Variants in CCNY observed in about 807,000 individuals in gnomAD.
CCNY encodes cyclin Y.
A neutral mutation model predicts 42.8 loss-of-function variants in CCNY; 19 were observed. That is an observed-to-expected ratio of 0.44 (90% CI 0.31 to 0.65). CCNY has a LOEUF of 0.65. CCNY is among the 30% of genes least tolerant of loss of function. CCNY has a pLI of 0.07. For missense variants in CCNY, 370 were observed against 437.3 expected, an observed-to-expected ratio of 0.85 and a Z score of 1.37; for synonymous variants, 165 against 162.7, an observed-to-expected ratio of 1.01 and a Z score of -0.11.
At chr10:35,266,291 G>T (rs2095725281) in intron 3 of CCNY, among the ~76,000 whole-genome samples, 1 of 147,280 alleles carries the variant, frequency 6.8e-6, no homozygotes, top group Admixed American at 6.8e-5. Flanking sequence ...GTAGAGATGG[G>T]GTTTCACTAT....
intron 3 of CCNY, among the ~76,000 whole-genome samples, chr10:35,278,417 C>T (rs1835263168): frequency 1.3e-5 from 2 of 151,658 alleles, no homozygotes; most frequent in African/African-American, 4.8e-5. Context: ...ATACTCCGCC[C>T]AACACTAGTG....
intron 1 of CCNY, among the ~76,000 whole-genome samples, chr10:35,468,181 T>C (rs375599684): frequency 1.4e-4 from 21 of 152,196 alleles, no homozygotes; most frequent in Admixed American, 7.2e-4. Context: ...ACCATCTTCT[T>C]TTTGGTGTAA....
At chr10:35,360,843 G>A (rs1403788009) in intron 1 of CCNY, among the ~76,000 whole-genome samples, 3 of 151,740 alleles carry the variant, frequency 2.0e-5, no homozygotes, top group African/African-American at 7.3e-5. Flanking sequence ...TCTATGGTGG[G>A]GATTTACCAA....
At chr10:35,483,261 A>G (rs766963095) in intron 1 of CCNY, 143 bp from the exon 2 acceptor site, 30 of 627,680 alleles carry the variant, frequency 4.8e-5, no homozygotes, top group Non-Finnish European at 7.9e-5. Context: ...TTGAACCAAA[A>G]GAATCTATTA....
intron 1 of CCNY, among the ~76,000 whole-genome samples, chr10:35,417,038 T>A (rs1056840489): frequency 6.6e-6 from 1 of 152,208 alleles, no homozygotes; most frequent in Non-Finnish European, 1.5e-5. Flanking sequence ...GTGGCCACCT[T>A]CTTCAGCAGT....
At chr10:35,313,208 G>C (rs1377493010) in intron 3 of CCNY, among the ~76,000 whole-genome samples, 1 of 152,148 alleles carries the variant, frequency 6.6e-6, no homozygotes, top group Non-Finnish European at 1.5e-5. Flanking sequence ...AACCGCCAAA[G>C]GCCAAAGACT....
At chr10:35,400,063 C>A (rs1837610936) in intron 1 of CCNY, among the ~76,000 whole-genome samples, 1 of 151,898 alleles carries the variant, frequency 6.6e-6, no homozygotes, top group African/African-American at 2.4e-5. Context: ...TCCCTTCTGA[C>A]ACCTGCCTGC....
At chr10:35,295,325 G>T (rs375180162) in intron 3 of CCNY, among the ~76,000 whole-genome samples, 4 of 151,532 alleles carry the variant, frequency 2.6e-5, no homozygotes, top group African/African-American at 9.7e-5. Flanking sequence ...TCTGCCTCCC[G>T]GGTTCAAGCG....
chr10:35,452,382 T>C (rs1381732779), intron 1 of CCNY, among the ~76,000 whole-genome samples: 1 of 152,230 alleles, frequency 6.6e-6, no homozygotes. Context: ...TTTTAACTCC[T>C]ACTCAGATGT....
At chr10:35,490,775 C>T (rs1484438711) in intron 2 of CCNY, among the ~76,000 whole-genome samples, 3 of 152,240 alleles carry the variant, frequency 2.0e-5, no homozygotes, top group Admixed American at 2.0e-4. Flanking sequence ...ACCCCAGTGG[C>T]TGCTTGTCTT....
chr10:35,320,551 T>C (rs1259240131), intron 3 of CCNY, among the ~76,000 whole-genome samples: 9 of 152,258 alleles, frequency 5.9e-5, no homozygotes, highest in South Asian at 4.1e-4. Flanking sequence ...TCTCCTCAGA[T>C]TGAAAATAAG....
chr10:35,522,984 T>C (rs2135415632), intron 4 of CCNY, among the ~76,000 whole-genome samples: 1 of 152,286 alleles, frequency 6.6e-6, no homozygotes, highest in East Asian at 1.9e-4. Context: ...TTCGGGTGAA[T>C]GCCTTGCAGG....
intron 2 of CCNY, among the ~76,000 whole-genome samples, chr10:35,249,218 A>G (rs566246877): frequency 6.6e-6 from 1 of 152,346 alleles, no homozygotes; most frequent in Non-Finnish European, 1.5e-5. Context: ...CTGAGGTTAC[A>G]GGTGTGAGGC....
In CCNY at chr10:35,558,000, T is replaced by TAATATA. The variant is rs1304604456; in HGVS notation, c.746+4815_746+4816insAATATA. ...ATTTTGAGGAGTTTTATTATAGTAG[T>TAATATA]GTCACTCAAGTCTTAAAACAGTTTT... On this transcript the variant is annotated intron_variant, in intron 8 of 9. Coordinates refer to ENST00000374704, the MANE Select transcript of CCNY (RefSeq NM_145012.6). Among the ~76,000 whole-genome samples the TAATATA allele has an allele frequency of 5.6e-4, 85 of 152,310 alleles. 2 individuals are homozygous for TAATATA. In the South Asian group the frequency reaches 0.017, roughly 31 times the overall value.
At chr10:35,269,269 A>ACTTC (rs68028146) in intron 3 of CCNY, among the ~76,000 whole-genome samples, 20,637 of 149,452 alleles carry the variant, frequency 0.14, 1,629 homozygotes, top group Middle Eastern at 0.18. Context: ...CAAATAATCT[A>ACTTC]CTTCCTTCCT....
intron 9 of CCNY, among the ~76,000 whole-genome samples, chr10:35,568,170 C>T (rs1841608942): frequency 6.6e-6 from 1 of 152,178 alleles, no homozygotes; most frequent in African/African-American, 2.4e-5. Context: ...AGTCAGTCAC[C>T]CTGAGAGCAC....
chr10:35,526,906 A>T (rs1330175586), intron 5 of CCNY, among the ~76,000 whole-genome samples: 1 of 152,236 alleles, frequency 6.6e-6, no homozygotes, highest in Non-Finnish European at 1.5e-5. Context: ...GAGTCTGCTA[A>T]GCACAGCTGG....
At chr10:35,339,037 T>G (rs762522702) in intron 1 of CCNY, among the ~76,000 whole-genome samples, 9 of 152,204 alleles carry the variant, frequency 5.9e-5, no homozygotes, top group Non-Finnish European at 1.2e-4. Context: ...CTTTTGCAGA[T>G]TCAGGATAGT....
chr10:35,312,063 G>A (rs918035629), intron 3 of CCNY, among the ~76,000 whole-genome samples: 1 of 151,790 alleles, frequency 6.6e-6, no homozygotes, highest in Non-Finnish European at 1.5e-5. Context: ...CTTGACTAAG[G>A]GTTTAGTAAA....
Sources: allele counts gnomAD v4.1 joint callset (sites outside exome capture counted in the v4.1 genomes callset), GRCh38; gene constraint gnomAD v4.1.1; transcripts MANE v1.5; gene names NCBI Gene and HGNC (gene_info 2026-07-23, HGNC 2026-07-21).